Variants in DAB1 observed in about 807,000 individuals in gnomAD.
DAB1 encodes disabled homolog 1.
DAB1 carries 15 observed loss-of-function variants against 64.6 expected under a neutral mutation model. The ratio of observed to expected loss-of-function variants is 0.23; its 90% CI spans 0.16 to 0.36. The LOEUF is 0.36. Ranked by LOEUF, DAB1 falls within the 10% of genes least tolerant of loss-of-function variation. The pLI, the probability that DAB1 is intolerant of heterozygous loss-of-function variation, is 1.00. For missense variants in DAB1, 596 were observed against 706.7 expected, an observed-to-expected ratio of 0.84 and a Z score of 1.78; for synonymous variants, 235 against 251.9, an observed-to-expected ratio of 0.93 and a Z score of 0.64.
chr1:58,370,503 A>AT (rs1644256469), intron 3 of DAB1, among the ~76,000 whole-genome samples: 1 of 151,644 alleles, frequency 6.6e-6, no homozygotes, highest in African/African-American at 2.4e-5. Context: ...GTGAAAGAGA[A>AT]TTGGGCTGGG....
At chr1:57,877,997 G>T (rs114339418) in intron 1 of DAB1, among the ~76,000 whole-genome samples, 1 of 151,994 alleles carries the variant, frequency 6.6e-6, no homozygotes, top group Non-Finnish European at 1.5e-5. Context: ...ATATCTTAAC[G>T]CACTGTCTTT....
intron 6 of DAB1, among the ~76,000 whole-genome samples, chr1:57,713,671 T>A (rs979098087): frequency 6.6e-6 from 1 of 152,196 alleles, no homozygotes; most frequent in Non-Finnish European, 1.5e-5. Context: ...ATTTTGGCAA[T>A]GGCAAAGGAA....
At chr1:57,155,000 G>A (rs767054635) in intron 2 of DAB1, among the ~76,000 whole-genome samples, 1 of 152,066 alleles carries the variant, frequency 6.6e-6, no homozygotes, top group Non-Finnish European at 1.5e-5. Context: ...TTACTTTCCT[G>A]TGCTGTGCAG....
chr1:57,419,222 T>C (rs1003971904), intron 1 of DAB1, among the ~76,000 whole-genome samples: 1 of 152,220 alleles, frequency 6.6e-6, no homozygotes, highest in African/African-American at 2.4e-5. Flanking sequence ...CAATCTGGTC[T>C]AGTGAAAGGA....
intron 4 of DAB1, among the ~76,000 whole-genome samples, chr1:57,129,847 G>A (rs915519603): frequency 2.0e-5 from 3 of 151,936 alleles, no homozygotes; most frequent in African/African-American, 7.3e-5. Flanking sequence ...CCAATATCAG[G>A]GCCAGACAAT....
At chr1:57,624,934 AT>A (rs1299962089) in intron 7 of DAB1, among the ~76,000 whole-genome samples, 1 of 152,150 alleles carries the variant, frequency 6.6e-6, no homozygotes. Context: ...TTTTTTAAAG[AT>A]TTTTTTCCAT....
chr1:58,106,376 G>T (rs941165955), intron 5 of DAB1, among the ~76,000 whole-genome samples: 1 of 152,084 alleles, frequency 6.6e-6, no homozygotes, highest in Non-Finnish European at 1.5e-5. Flanking sequence ...TAGAGACAGG[G>T]TCTCATTATG....
chr1:58,120,318 T>C (rs1421488097), intron 5 of DAB1, among the ~76,000 whole-genome samples: 1 of 152,136 alleles, frequency 6.6e-6, no homozygotes, highest in East Asian at 1.9e-4. Flanking sequence ...AGTTGACAGA[T>C]CTAAGCCCCC....
chr1:57,655,101 A>G (rs769594293), intron 6 of DAB1, among the ~76,000 whole-genome samples: 55 of 152,152 alleles, frequency 3.6e-4, no homozygotes, highest in Admixed American at 6.5e-4. Context: ...CTAGTTTTCT[A>G]TTCCTGTGCA....
At chr1:57,552,923 T>C (rs1464699743) in intron 7 of DAB1, among the ~76,000 whole-genome samples, 2 of 151,936 alleles carry the variant, frequency 1.3e-5, no homozygotes, top group Non-Finnish European at 1.5e-5. Flanking sequence ...TGATGGAGAG[T>C]AGGTGACACA....
At chr1:58,099,519 T>C (rs1044373696) in intron 5 of DAB1, among the ~76,000 whole-genome samples, 4 of 152,204 alleles carry the variant, frequency 2.6e-5, no homozygotes, top group African/African-American at 4.8e-5. Context: ...TTATTGGCCA[T>C]TTATTCACCA....
rs139152673 is a variant in DAB1, at chr1:57,562,110, C to T, written n.625+87482G>A. On this transcript the variant is annotated intron_variant and non_coding_transcript_variant, in intron 7 of 20. Transcript: ENST00000485760. Reference sequence around the variant, plus strand: ...GTGGCAGGCCAGGTGCAGTGGCTCACGCCTGTAATCCCAACACTTTGGGAG... The same window carrying T: ...GTGGCAGGCCAGGTGCAGTGGCTCATGCCTGTAATCCCAACACTTTGGGAG... Among the ~76,000 whole-genome samples, 989 of 152,308 alleles carry T rather than the reference C, an allele frequency of 6.5e-3. 14 individuals are homozygous for T. Among genetic ancestry groups the T allele is most frequent in the African/African-American group, 0.023 (949 of 41,566 alleles).
intron 5 of DAB1, among the ~76,000 whole-genome samples, chr1:58,049,854 T>G (rs980754849): frequency 6.6e-6 from 1 of 151,674 alleles, no homozygotes; most frequent in Admixed American, 6.6e-5. Context: ...GTGAACAAAA[T>G]AGAATCCACC....
intron 7 of DAB1, among the ~76,000 whole-genome samples, chr1:57,557,197 C>G (rs1829986): frequency 0.052 from 7,858 of 152,118 alleles, 422 homozygotes; most frequent in Admixed American, 0.13. Flanking sequence ...GCCAGCATGG[C>G]TAGAATATAA....
chr1:57,207,846 G>A (rs1179694959), intron 2 of DAB1, among the ~76,000 whole-genome samples: 1 of 152,112 alleles, frequency 6.6e-6, no homozygotes, highest in Middle Eastern at 3.2e-3. Flanking sequence ...ATCTTAAAGG[G>A]CTTGATTTTT....
chr1:57,945,525 C>T (rs1412347544), intron 5 of DAB1, among the ~76,000 whole-genome samples: 1 of 151,860 alleles, frequency 6.6e-6, no homozygotes, highest in African/African-American at 2.4e-5. Flanking sequence ...AGCAATCCTC[C>T]CATCTTGGCT....
At chr1:57,893,353 T>C (rs1190364976) in intron 5 of DAB1, among the ~76,000 whole-genome samples, 1 of 152,134 alleles carries the variant, frequency 6.6e-6, no homozygotes, top group Non-Finnish European at 1.5e-5. Context: ...ATCATGTAAG[T>C]TAGCAAATGA....
intron 6 of DAB1, among the ~76,000 whole-genome samples, chr1:57,661,241 A>G (rs1389649561): frequency 6.6e-6 from 1 of 152,210 alleles, no homozygotes; most frequent in Admixed American, 6.5e-5. Context: ...AGATTGTTAC[A>G]GTGCAGGCAC....
At chr1:58,076,919 G>T (rs1557640041) in intron 5 of DAB1, among the ~76,000 whole-genome samples, 2 of 151,950 alleles carry the variant, frequency 1.3e-5, no homozygotes, top group Non-Finnish European at 2.9e-5. Flanking sequence ...AGTCTTCCTG[G>T]GTCATCTTCA....
Sources: allele counts gnomAD v4.1 joint callset (sites outside exome capture counted in the v4.1 genomes callset), GRCh38; gene constraint gnomAD v4.1.1; transcripts MANE v1.5; gene names NCBI Gene and HGNC (gene_info 2026-07-23, HGNC 2026-07-21).